Variants in DAB1 observed in about 807,000 individuals in gnomAD.
DAB1 encodes the protein DAB adaptor protein 1.
In DAB1, 15 loss-of-function variants were observed where a neutral mutation model predicts 64.6. That is an observed-to-expected ratio of 0.23 (90% confidence interval 0.16 to 0.36). DAB1 has a LOEUF of 0.36. DAB1 is among the 10% of genes least tolerant of loss of function. The pLI, the probability that DAB1 is intolerant of heterozygous loss-of-function variation, is 1.00. For synonymous variants in DAB1, 235 were observed against 251.9 expected (o/e 0.93, Z 0.64); for missense variants, 596 against 706.7 (o/e 0.84, Z 1.78).
intron 5 of DAB1, among the ~76,000 whole-genome samples, chr1:57,969,200 A>G (rs1645737845): frequency 6.6e-6 from 1 of 152,170 alleles, no homozygotes; most frequent in Admixed American, 6.5e-5. Flanking sequence ...AAATTTTTAC[A>G]AAGAGTTCAA....
chr1:58,234,235 A>G (rs1030398801), intron 4 of DAB1, among the ~76,000 whole-genome samples: 2 of 152,124 alleles, frequency 1.3e-5, no homozygotes, highest in Non-Finnish European at 2.9e-5. Flanking sequence ...TCATTCTTTC[A>G]TTCATTTAGC....
intron 6 of DAB1, among the ~76,000 whole-genome samples, chr1:57,754,762 G>A (rs993995697): frequency 6.6e-6 from 1 of 152,150 alleles, no homozygotes; most frequent in Non-Finnish European, 1.5e-5. Context: ...TCTGCCACTG[G>A]TCCAAGGTCT....
At position 58,313,818 on chromosome 1, in the gene DAB1, C is replaced by CGT. The variant is rs563478816; in HGVS notation, n.309+29533_309+29534insAC. On this transcript the variant is annotated intron_variant and non_coding_transcript_variant, in intron 4 of 20. Coordinates refer to the DAB1 transcript ENST00000485760. Reference sequence around the variant, plus strand: ...GGTGGCCATCCTCTCATTGTATCTTCATGTGTGTGTGTGTGTGTGTGTGTG... The same window carrying CGT: ...GGTGGCCATCCTCTCATTGTATCTTCGTATGTGTGTGTGTGTGTGTGTGTGTG... Among the ~76,000 whole-genome samples, 605 of 85,778 alleles carry CGT rather than the reference C, an allele frequency of 7.1e-3. 2 individuals are homozygous for CGT. Among genetic ancestry groups the CGT allele is most frequent in the African/African-American group, 0.025 (465 of 18,618 alleles). The allele number at this position is 85,778 out of a possible 152,430, so 56.3% of individuals were successfully genotyped here. A position where few individuals can be genotyped will look rare whatever the true frequency, so the allele number is the denominator to read the frequency against.
rs57561278 is a variant in DAB1, at chr1:57,600,779, A to G, written n.625+48813T>C. On this transcript the variant is annotated intron_variant and non_coding_transcript_variant, in intron 7 of 20. Coordinates refer to the DAB1 transcript ENST00000485760. ...TTCAAAAGTTGAGCTTTAATGGAAAAATGAGATGGGAGCTCTGGCATTCAA... is the reference window on the plus strand; with the variant it reads ...TTCAAAAGTTGAGCTTTAATGGAAAGATGAGATGGGAGCTCTGGCATTCAA... Among the ~76,000 whole-genome samples the G allele has an allele frequency of 3.8e-3, 584 of 152,330 alleles. 7 individuals are homozygous for G. The highest frequency in any genetic ancestry group is 0.014 in the African/African-American group (565 of 41,564).
chr1:57,770,020 C>CTTA, intron 6 of DAB1, among the ~76,000 whole-genome samples: 1 of 152,096 alleles, frequency 6.6e-6, no homozygotes, highest in African/African-American at 2.4e-5. Context: ...TTCTTAAGGG[C>CTTA]AGCATTGGAT....
intron 7 of DAB1, among the ~76,000 whole-genome samples, chr1:57,491,595 T>C (rs1275321103): frequency 6.6e-6 from 1 of 152,016 alleles, no homozygotes; most frequent in East Asian, 1.9e-4. Context: ...GAAAAGCAAA[T>C]TCAACAAGTA....
intron 6 of DAB1, among the ~76,000 whole-genome samples, chr1:57,719,385 G>T (rs552568553): frequency 2.4e-4 from 36 of 152,290 alleles, no homozygotes; most frequent in African/African-American, 8.2e-4. Context: ...AGGGAGGTGG[G>T]TCAAGGTCAC....
rs563466085 is a variant in DAB1 at position 58,420,875 on chromosome 1, G to T, written n.258-77472C>A. On this transcript the variant is annotated intron_variant and non_coding_transcript_variant, in intron 3 of 20. Transcript: ENST00000485760. ...GGTCCAAATCTAACTGCTCTCCTCT[G>T]CAGTGATTTGGAACAATAAACGCAG... Among the ~76,000 whole-genome samples, 8 of 152,206 alleles carry T rather than the reference G, an allele frequency of 5.3e-5. No homozygotes were observed. The South Asian group carries it at 1.7e-3, about 32-fold the overall frequency.
chr1:57,683,605 G>A (rs1319213572), intron 6 of DAB1, among the ~76,000 whole-genome samples: 1 of 152,100 alleles, frequency 6.6e-6, no homozygotes, highest in Admixed American at 6.5e-5. Flanking sequence ...CCCTCTAAGA[G>A]CATCCAAAAA....
intron 3 of DAB1, among the ~76,000 whole-genome samples, chr1:58,415,963 C>T (rs1054040040): frequency 3.3e-5 from 5 of 152,164 alleles, no homozygotes; most frequent in African/African-American, 7.2e-5. Context: ...AGGGTCAACA[C>T]GAGTGATGTG....
At chr1:58,210,929 G>C (rs904863774) in intron 4 of DAB1, among the ~76,000 whole-genome samples, 3 of 152,152 alleles carry the variant, frequency 2.0e-5, no homozygotes, top group Non-Finnish European at 2.9e-5. Context: ...GTTATTTGAG[G>C]AGAGTTATGA....
intron 3 of DAB1, among the ~76,000 whole-genome samples, chr1:58,493,196 G>C (rs933381767): frequency 6.6e-6 from 1 of 151,796 alleles, no homozygotes; most frequent in African/African-American, 2.4e-5. Context: ...TGCAGAAAAG[G>C]CCTTTGACAA....
At chr1:57,281,502 C>A (rs192764833) in intron 2 of DAB1, among the ~76,000 whole-genome samples, 1 of 152,236 alleles carries the variant, frequency 6.6e-6, no homozygotes, top group Non-Finnish European at 1.5e-5. Flanking sequence ...TGGGACCACT[C>A]GGTGACGTAT....
At chr1:57,981,395 T>G (rs1482216286) in intron 5 of DAB1, among the ~76,000 whole-genome samples, 2 of 152,194 alleles carry the variant, frequency 1.3e-5, no homozygotes, top group African/African-American at 2.4e-5. Context: ...TCTAGACTAC[T>G]GTGCAGTTCT....
chr1:58,384,379 G>T (rs1259590784), intron 3 of DAB1, among the ~76,000 whole-genome samples: 1 of 152,140 alleles, frequency 6.6e-6, no homozygotes, highest in Non-Finnish European at 1.5e-5. Context: ...AGGGGATGAG[G>T]AGTTGTTGTT....
chr1:57,443,709 T>C (rs1686037340), intron 7 of DAB1, among the ~76,000 whole-genome samples: 1 of 152,130 alleles, frequency 6.6e-6, no homozygotes, highest in African/African-American at 2.4e-5. Flanking sequence ...CATTCCCCTA[T>C]AGCCAGTCCT....
chr1:57,235,594 A>T lies in DAB1; in HGVS notation c.67+55370T>A, dbSNP rs910353474. On this transcript the variant is annotated intron_variant, in intron 2 of 14. Coordinates refer to ENST00000371236, the MANE Select transcript of DAB1 (RefSeq NM_001365792.1). The stretch of plus-strand genomic sequence containing the variant: ...AATTATTATTACTTGAATTTTACAG[A>T]TAACTTAAGGTTCAAGTAACTTACT... Among the ~76,000 whole-genome samples, 5 of 152,244 alleles carry T rather than the reference A, an allele frequency of 3.3e-5. No individual in the cohort carries two copies. In the East Asian group the frequency reaches 9.7e-4, roughly 29 times the overall value.
At chr1:58,068,491 CAT>C (rs1648999939) in intron 5 of DAB1, among the ~76,000 whole-genome samples, 2 of 152,136 alleles carry the variant, frequency 1.3e-5, no homozygotes, top group Non-Finnish European at 2.9e-5. Flanking sequence ...ATCGCCTGGG[CAT>C]GGTGGCTCAC....
At chr1:57,187,557 C>T (rs1288578765) in intron 2 of DAB1, among the ~76,000 whole-genome samples, 2 of 152,174 alleles carry the variant, frequency 1.3e-5, no homozygotes, top group Non-Finnish European at 2.9e-5. Flanking sequence ...ACTGCTCTGA[C>T]ACTGCACTTC....
Sources: allele counts gnomAD v4.1 joint callset (sites outside exome capture counted in the v4.1 genomes callset), GRCh38; gene constraint gnomAD v4.1.1; transcripts MANE v1.5; gene names NCBI Gene and HGNC (gene_info 2026-07-23, HGNC 2026-07-21).